GANC: variants seen among roughly 807,000 people sequenced by gnomAD.
The protein encoded by GANC is glucosidase alpha, neutral C, also known as neutral alpha-glucosidase C.
Under a neutral mutation model 124.2 loss-of-function variants are expected in GANC, and 117 were observed. That is an observed-to-expected ratio of 0.94 (90% CI 0.81 to 1.10). The LOEUF is 1.10. GANC is among the 50% of genes least tolerant of loss of function. The pLI is 0.00. For synonymous variants in GANC, 377 were observed against 376.8 expected (o/e 1.00, Z -0.01); for missense variants, 1,140 against 1,095.0 (o/e 1.04, Z -0.58).
intron 12 of GANC, 144 bp from the exon 13 acceptor site, chr15:42,327,219 A>T (rs1046743385): frequency 1.6e-6 from 1 of 608,578 alleles, no homozygotes; most frequent in Non-Finnish European, 3.0e-6. Context: ...TTCACTTCTC[A>T]ACAGACCATG....
chr15:42,321,414 C>T (rs763387406), intron 10 of GANC, among the ~76,000 whole-genome samples: 2 of 152,192 alleles, frequency 1.3e-5, no homozygotes, highest in Non-Finnish European at 2.9e-5. Context: ...CCGGAATGCT[C>T]TATCTATTCT....
intron 4 of GANC, among the ~76,000 whole-genome samples, chr15:42,291,177 T>C (rs1286788545): frequency 6.6e-6 from 1 of 151,948 alleles, no homozygotes; most frequent in African/African-American, 2.4e-5. Context: ...CTGGGAAATA[T>C]GAATGGAAAT....
At chr15:42,289,164 T>C (rs566849699) in intron 4 of GANC, among the ~76,000 whole-genome samples, 2 of 152,286 alleles carry the variant, frequency 1.3e-5, no homozygotes, top group South Asian at 2.1e-4. Context: ...CAGACTCCCT[T>C]GTAGCTACAG....
chr15:42,342,734 C>T (rs185375377), intron 18 of GANC, among the ~76,000 whole-genome samples: 7 of 152,322 alleles, frequency 4.6e-5, no homozygotes, highest in Non-Finnish European at 7.3e-5. Context: ...AACAGTAAAG[C>T]ACTTGGAAAG....
intron 5 of GANC, among the ~76,000 whole-genome samples, chr15:42,296,850 CTTTTTTT>C (rs774454911): frequency 3.0e-5 from 4 of 134,452 alleles, no homozygotes; most frequent in African/African-American, 2.7e-5. Flanking sequence ...TTTCTTTTTC[CTTTTTTT>C]TTTTTTTTGG....
intron 6 of GANC, among the ~76,000 whole-genome samples, chr15:42,305,930 C>T (rs2051990681): frequency 6.6e-6 from 1 of 151,688 alleles, no homozygotes; most frequent in Admixed American, 6.6e-5. Flanking sequence ...ACATCACACA[C>T]CGGGGTCTGT....
intron 4 of GANC, 109 bp from the exon 5 acceptor site, chr15:42,292,626 C>A: frequency 9.3e-7 from 1 of 1,077,072 alleles, no homozygotes; most frequent in Non-Finnish European, 1.3e-6. Context: ...TTATCTATGG[C>A]TATGTCACAT....
chr15:42,308,070 A>G, intron 7 of GANC, 152 bp from the exon 8 acceptor site: 1 of 494,672 alleles, frequency 2.0e-6, no homozygotes, highest in Admixed American at 2.9e-5. Flanking sequence ...AATATCTCAC[A>G]GAGGGTCAGT....
intron 21 of GANC, among the ~76,000 whole-genome samples, chr15:42,348,637 T>G (rs1166467058): frequency 6.6e-6 from 1 of 152,194 alleles, no homozygotes; most frequent in African/African-American, 2.4e-5. Context: ...TAAAACCCCC[T>G]TGGGCAAAGC....
intron 10 of GANC, among the ~76,000 whole-genome samples, chr15:42,316,235 G>A (rs534248638): frequency 2.6e-5 from 4 of 152,252 alleles, no homozygotes; most frequent in Non-Finnish European, 5.9e-5. Context: ...CCCTATGTGC[G>A]GAGATGAGAG....
chr15:42,316,678 C>T (rs753816473), intron 10 of GANC, among the ~76,000 whole-genome samples: 3 of 152,160 alleles, frequency 2.0e-5, no homozygotes, highest in African/African-American at 2.4e-5. Context: ...CAGATGACTG[C>T]TGGCAGGCCT....
At chr15:42,283,469 G>T in intron 3 of GANC, 2 of 604,866 alleles carry the variant, frequency 3.3e-6, no homozygotes, top group Non-Finnish European at 5.9e-6. Flanking sequence ...CTAGGCAAAG[G>T]AAAATGTATG....
In GANC at chr15:42,310,331, A is replaced by G. The variant is rs2052038131; in HGVS notation, c.771A>G (p.Gln257=). Residue 257 remains glutamine (Q), a synonymous_variant, in exon 9 of 24, where the codon CAA becomes CAG. Transcript: ENST00000318010. The part of the protein sequence containing the change: ...RLYNLDVYGY[Q]IYDKMGIYGS... ...ATAACCTGGATGTCTATGGATACCA[A>G]ATATATGATAAAATGGGCATTTATG... is the stretch of plus-strand genomic sequence containing the variant. 6.2e-7 allele frequency: 1 copy of G among 1,613,282 alleles called. No individual in the cohort carries two copies. Among genetic ancestry groups the G allele is most frequent in the African/African-American group, 1.3e-5 (1 of 75,038 alleles).
chr15:42,342,996 T>A, intron 18 of GANC, 82 bp from the exon 19 acceptor site: 2 of 1,146,072 alleles, frequency 1.7e-6, no homozygotes, highest in Non-Finnish European at 2.6e-6. Flanking sequence ...AACACCATGA[T>A]AGCTAGCACT....
rs1215085294 is a variant in GANC, at chr15:42,321,818, G to A, written c.1091G>A (p.Gly364Glu). 2 of 1,614,194 alleles carry A rather than the reference G, an allele frequency of 1.2e-6. No individual in the cohort carries two copies. Among genetic ancestry groups the A allele is most frequent in the South Asian group, 2.2e-5 (2 of 91,088 alleles). Residue 364 changes from glycine (G) to glutamate (E), a missense_variant, in exon 11 of 24, where the codon GGA (glycine) becomes GAA (glutamate). Coordinates refer to ENST00000318010, the MANE Select transcript of GANC (RefSeq NM_198141.3). ...GCCATGCCCCCTCTTTTCTCTTTGG[G>A]ATACCACCAGTGCCGCTGGAACTAT... ...TQAMPPLFSL[G>E]YHQCRWNYED... is the part of the protein sequence containing the mutation.
Position 42,273,437 on chromosome 15 carries a change from C to CTCTTCCGGTTCGTCCCGCCT in GANC, c.-1036_-1017dup. 1 of 1,611,568 alleles carries CTCTTCCGGTTCGTCCCGCCT rather than the reference C, an allele frequency of 6.2e-7. No individual in the cohort carries two copies. Among genetic ancestry groups the CTCTTCCGGTTCGTCCCGCCT allele is most frequent in the Admixed American group, 1.7e-5 (1 of 59,982 alleles). On this transcript the variant is annotated 5_prime_UTR_variant, in exon 1 of 24. Coordinates refer to ENST00000318010, the MANE Select transcript of GANC (RefSeq NM_198141.3). ...GAGTGCCTACCGAAAGCATTTCACC[C>CTCTTCCGGTTCGTCCCGCCT]TCTTCCGGTTCGTCCCGCCTTCTTC...
intron 3 of GANC, chr15:42,280,861 C>T: frequency 2.9e-6 from 2 of 687,622 alleles, no homozygotes. Context: ...TTTCACGTTA[C>T]TGTAGATCAG....
At position 42,273,272 on chromosome 15, in the gene GANC, G is replaced by A. The variant is rs2051597906; in HGVS notation, c.-1210G>A. On this transcript the variant is annotated 5_prime_UTR_variant, in exon 1 of 24. Transcript: ENST00000318010. Reference sequence around the variant, plus strand: ...ATACTCACCGACGGTATCGGAATGTGCCATTTGGACCGGTCGGCAGCAGCT... The same window carrying A: ...ATACTCACCGACGGTATCGGAATGTACCATTTGGACCGGTCGGCAGCAGCT... 3 of 1,614,048 alleles carry A rather than the reference G, an allele frequency of 1.9e-6. No homozygotes were observed. Among genetic ancestry groups the A allele is most frequent in the East Asian group, 2.2e-5 (1 of 44,894 alleles).
At chr15:42,308,678 G>C (rs958676492) in intron 8 of GANC, among the ~76,000 whole-genome samples, 14 of 152,072 alleles carry the variant, frequency 9.2e-5, no homozygotes, top group Admixed American at 1.3e-4. Flanking sequence ...GTAGAGACAG[G>C]GTTTTACCAT....
Sources: allele counts gnomAD v4.1 joint callset (sites outside exome capture counted in the v4.1 genomes callset), GRCh38; gene constraint gnomAD v4.1.1; transcripts MANE v1.5; gene names NCBI Gene and HGNC (gene_info 2026-07-23, HGNC 2026-07-21).